The following ENPP2 variants were observed in gnomAD, a reference collection of about 807,000 sequenced individuals.
ENPP2 encodes autotaxin.
Under a neutral mutation model 120.2 loss-of-function variants are expected in ENPP2, and 51 were observed. The observed-to-expected ratio is 0.42, with a 90% CI of 0.34 to 0.54. The LOEUF (loss-of-function observed/expected upper bound fraction) is 0.54, where lower values mean the gene tolerates loss of function less well. Among genes scored for constraint, ENPP2 ranks in the 20% least tolerant of loss-of-function variants. ENPP2 has a pLI of 0.04. For missense variants in ENPP2, 920 were observed against 1,066.5 expected, an observed-to-expected ratio of 0.86 and a Z score of 1.91; for synonymous variants, 365 against 366.4, an observed-to-expected ratio of 1.00 and a Z score of 0.04.
At chr8:119,671,870 C>A (rs1320544594) in intron 1 of ENPP2, among the ~76,000 whole-genome samples, 1 of 152,136 alleles carries the variant, frequency 6.6e-6, no homozygotes, top group Non-Finnish European at 1.5e-5. Context: ...AAGTGAAGCC[C>A]TTTAAGTATT....
At chr8:119,652,009 C>T (rs1180729741) in intron 1 of ENPP2, among the ~76,000 whole-genome samples, 1 of 152,108 alleles carries the variant, frequency 6.6e-6, no homozygotes, top group African/African-American at 2.4e-5. Context: ...GGTAAAGTAT[C>T]TTAGTCCATT....
intron 9 of ENPP2, among the ~76,000 whole-genome samples, chr8:119,605,466 AT>A (rs1276076880): frequency 4.4e-4 from 29 of 65,846 alleles, no homozygotes; most frequent in East Asian, 1.1e-3. Context: ...GTGTGTGTGT[AT>A]TTTTTTTTTT....
intron 11 of ENPP2, among the ~76,000 whole-genome samples, chr8:119,598,833 TCTGTAGTG>T (rs2130534504): frequency 6.6e-6 from 1 of 152,252 alleles, no homozygotes; most frequent in East Asian, 1.9e-4. Context: ...AGTCAAAAGT[TCTGTAGTG>T]CTATCTTCAG....
chr8:119,580,384 ATC>A (rs1812651203), intron 18 of ENPP2: 2 of 572,940 alleles, frequency 3.5e-6, no homozygotes, highest in Non-Finnish European at 6.2e-6. Flanking sequence ...ACCTTCTTCA[ATC>A]TCTGTTTCCT....
rs1813556676 is a variant in ENPP2, at chr8:119,557,496, G to A, written c.*25C>T. On this transcript the variant is annotated 3_prime_UTR_variant, in exon 25 of 25. Transcript: ENST00000075322. ...ATAAAAATATACAACCAGTTGATAA[G>A]ACTGTACTGCAGATGCTCAGAAAGT... The A allele has an allele frequency of 6.4e-7, 1 of 1,567,616 alleles. No homozygotes were observed. The highest frequency in any genetic ancestry group is 1.8e-5 in the Admixed American group (1 of 56,644).
intron 1 of ENPP2, among the ~76,000 whole-genome samples, chr8:119,645,420 A>C (rs1473880873): frequency 6.6e-6 from 1 of 152,174 alleles, no homozygotes; most frequent in African/African-American, 2.4e-5. Context: ...CTAGTTAATA[A>C]TGACAACTAC....
chr8:119,579,361 C>A (rs1346225483), intron 19 of ENPP2, among the ~76,000 whole-genome samples: 1 of 152,110 alleles, frequency 6.6e-6, no homozygotes, highest in Non-Finnish European at 1.5e-5. Context: ...GTGACATATG[C>A]CTCATAAAAG....
At chr8:119,574,362 A>C (rs1812189348) in intron 19 of ENPP2, among the ~76,000 whole-genome samples, 1 of 151,444 alleles carries the variant, frequency 6.6e-6, no homozygotes, top group South Asian at 2.1e-4. Flanking sequence ...CTGCTTCTGC[A>C]ATATGTTTCT....
chr8:119,581,482 A>G (rs1403929356), intron 18 of ENPP2, among the ~76,000 whole-genome samples: 1 of 152,028 alleles, frequency 6.6e-6, no homozygotes, highest in African/African-American at 2.4e-5. Context: ...GGGGAGGAAG[A>G]TGACGGTAGC....
chr8:119,602,882 G>A (rs1814414044), intron 9 of ENPP2, among the ~76,000 whole-genome samples: 1 of 152,184 alleles, frequency 6.6e-6, no homozygotes, highest in Non-Finnish European at 1.5e-5. Flanking sequence ...TGAGCAGTGA[G>A]AGAGCTGGGA....
At chr8:119,575,960 C>T (rs1812306051) in intron 19 of ENPP2, among the ~76,000 whole-genome samples, 1 of 152,202 alleles carries the variant, frequency 6.6e-6, no homozygotes, top group South Asian at 2.1e-4. Context: ...CAGACACAAA[C>T]ACTCAGAAGC....
chr8:119,639,086 T>A (rs1302047314), upstream of ENPP2, among the ~76,000 whole-genome samples: 1 of 152,080 alleles, frequency 6.6e-6, no homozygotes, highest in African/African-American at 2.4e-5. Context: ...CCGTGGCCCA[T>A]AACAGTGCAT....
chr8:119,595,839 A>C, intron 11 of ENPP2: 2 of 1,613,666 alleles, frequency 1.2e-6, no homozygotes, highest in Non-Finnish European at 1.7e-6. Context: ...AACAATAGAT[A>C]AACTTACTTT....
intron 1 of ENPP2, among the ~76,000 whole-genome samples, chr8:119,654,313 T>A (rs1336350791): frequency 4.9e-5 from 7 of 142,478 alleles, no homozygotes; most frequent in African/African-American, 1.8e-4. Context: ...TATATAATAC[T>A]TAATATATAA....
chr8:119,638,140 T>C (rs1212151525), intron 2 of ENPP2, among the ~76,000 whole-genome samples: 7 of 152,206 alleles, frequency 4.6e-5, no homozygotes, highest in Non-Finnish European at 7.4e-5. Context: ...CACTTCTACT[T>C]TAGCCTTGTC....
At chr8:119,617,117 G>A (rs761360340) in intron 7 of ENPP2, 47 bp downstream of exon 7, 2 of 1,155,190 alleles carry the variant, frequency 1.7e-6, no homozygotes, top group Non-Finnish European at 2.6e-6. Flanking sequence ...AGTCATTCCA[G>A]GATGAAATCA....
At position 119,557,250 on chromosome 8, in the gene ENPP2, C is replaced by T. The variant is rs1402645861; in HGVS notation, c.*271G>A. The T allele has an allele frequency of 1.4e-5, 5 of 358,434 alleles. No individual in the cohort carries two copies. Among genetic ancestry groups the T allele is most frequent in the African/African-American group, 6.5e-5 (3 of 46,330 alleles). The allele number at this position is 358,434 out of a possible 1,614,324, so 22.2% of individuals were successfully genotyped here. A position where few individuals can be genotyped will look rare whatever the true frequency, so the allele number is the denominator to read the frequency against. The stretch of plus-strand genomic sequence containing the variant: ...CTGTGCATTGGAAAATTAATATTTC[C>T]TCAATGCAAATATCAAATCTGCAGC... On this transcript the variant is annotated 3_prime_UTR_variant, in exon 25 of 25. Coordinates refer to ENST00000075322, the MANE Select transcript of ENPP2 (RefSeq NM_001040092.3).
chr8:119,591,717 CTTGT>C (rs1341137102), intron 12 of ENPP2, among the ~76,000 whole-genome samples: 1 of 152,170 alleles, frequency 6.6e-6, no homozygotes, highest in East Asian at 1.9e-4. Context: ...AGAACCTTCC[CTTGT>C]TTAATACAAA....
chr8:119,650,256 T>C (rs1366643655), intron 1 of ENPP2, among the ~76,000 whole-genome samples: 2 of 152,176 alleles, frequency 1.3e-5, no homozygotes, highest in Non-Finnish European at 2.9e-5. Flanking sequence ...TGTTTTATGA[T>C]TCCGTTTATA....
Sources: gnomAD v4.1 joint callset for allele counts (sites outside exome capture counted in the v4.1 genomes callset) on GRCh38, gnomAD v4.1.1 for gene constraint, MANE v1.5 for transcripts, NCBI Gene and HGNC (gene_info 2026-07-23, HGNC 2026-07-21) for gene names.